The following XPR1 variants were observed in gnomAD, a reference collection of about 807,000 sequenced individuals.
XPR1 encodes solute carrier family 53 member 1.
XPR1 carries 28 observed loss-of-function variants against 87.5 expected under a neutral mutation model. That is an observed-to-expected ratio of 0.32 (90% CI 0.24 to 0.44). XPR1 has a LOEUF of 0.44. Ranked by LOEUF, XPR1 falls within the 20% of genes least tolerant of loss-of-function variation. The pLI is 1.00. For synonymous variants in XPR1, 300 were observed against 306.1 expected (o/e 0.98, Z 0.21); for missense variants, 559 against 862.3 (o/e 0.65, Z 4.41).
At chr1:180,865,605 T>G (rs1652364215) in intron 12 of XPR1, among the ~76,000 whole-genome samples, 1 of 152,158 alleles carries the variant, frequency 6.6e-6, no homozygotes, top group Non-Finnish European at 1.5e-5. Flanking sequence ...TTTCACCGTG[T>G]TAGCCAGGAT....
chr1:180,863,904 G>C, intron 12 of XPR1, 30 bp downstream of exon 12: 4 of 1,539,534 alleles, frequency 2.6e-6, no homozygotes, highest in Non-Finnish European at 2.6e-6. Context: ...TTGTTTAAAA[G>C]AACAAACTTA....
intron 7 of XPR1, among the ~76,000 whole-genome samples, chr1:180,816,647 G>A (rs1355669734): frequency 6.6e-6 from 1 of 152,154 alleles, no homozygotes; most frequent in South Asian, 2.1e-4. Flanking sequence ...CTGAAAAATT[G>A]CTGTTGCATA....
At chr1:180,694,531 A>G (rs1055268537) in intron 2 of XPR1, among the ~76,000 whole-genome samples, 1 of 152,174 alleles carries the variant, frequency 6.6e-6, no homozygotes, top group Non-Finnish European at 1.5e-5. Context: ...ATTCCAAGTT[A>G]TACCTCAAAT....
chr1:180,823,394 A>G (rs1650710770), intron 7 of XPR1, among the ~76,000 whole-genome samples: 1 of 152,192 alleles, frequency 6.6e-6, no homozygotes, highest in Admixed American at 6.5e-5. Flanking sequence ...TGAATTTATG[A>G]ACAGGTAAGG....
At chr1:180,797,226 A>G (rs573959602) in intron 3 of XPR1, among the ~76,000 whole-genome samples, 149 of 152,380 alleles carry the variant, frequency 9.8e-4, no homozygotes, top group African/African-American at 3.4e-3. Flanking sequence ...TAAAGATTTT[A>G]GAACTGTTAC....
intron 2 of XPR1, among the ~76,000 whole-genome samples, chr1:180,728,758 G>A (rs1658448007): frequency 6.6e-6 from 1 of 152,180 alleles, no homozygotes; most frequent in Admixed American, 6.5e-5. Context: ...AATACAAATG[G>A]CCTCATATCA....
intron 2 of XPR1, among the ~76,000 whole-genome samples, chr1:180,719,953 TC>T (rs1243685231): frequency 2.0e-5 from 3 of 152,208 alleles, no homozygotes; most frequent in African/African-American, 7.2e-5. Context: ...TAGGGCTCTG[TC>T]TAGTAGACCA....
At chr1:180,828,767 A>G (rs1490873919) in intron 9 of XPR1, among the ~76,000 whole-genome samples, 1 of 152,230 alleles carries the variant, frequency 6.6e-6, no homozygotes, top group African/African-American at 2.4e-5. Flanking sequence ...CAGTGAAGTG[A>G]TGAAGATGAG....
chr1:180,856,609 C>A (rs1318919426), intron 11 of XPR1, among the ~76,000 whole-genome samples: 1 of 152,194 alleles, frequency 6.6e-6, no homozygotes, highest in Non-Finnish European at 1.5e-5. Flanking sequence ...TGTTCTCTAA[C>A]CTAGTTTATG....
chr1:180,659,593 CCA>C lies in XPR1; in HGVS notation c.70-22765_70-22764del, dbSNP rs1327330797. 3.4e-4 allele frequency among the ~76,000 whole-genome samples: 43 copies of C among 126,938 alleles called. 1 individual carries two copies. The highest frequency in any genetic ancestry group is 1.2e-3 in the African/African-American group (40 of 32,460). The allele number at this position is 126,938 out of a possible 152,430, so 83.3% of individuals were successfully genotyped here. A position where few individuals can be genotyped will look rare whatever the true frequency, so the allele number is the denominator to read the frequency against. On this transcript the variant is annotated intron_variant, in intron 1 of 14. Coordinates refer to ENST00000367590, the MANE Select transcript of XPR1 (RefSeq NM_004736.4). ...ACCACACCCCCCAGCCACCGCACCCCCACCCCCCACCCCCCGCCGGGTTCAAG... is the reference window on the plus strand; with the variant it reads ...ACCACACCCCCCAGCCACCGCACCCCCCCCCCACCCCCCGCCGGGTTCAAG...
At chr1:180,779,074 T>A (rs1414030082) in intron 2 of XPR1, among the ~76,000 whole-genome samples, 5 of 152,196 alleles carry the variant, frequency 3.3e-5, no homozygotes, top group African/African-American at 1.2e-4. Flanking sequence ...GTTCCCTCTG[T>A]TGGGAATTAT....
At chr1:180,637,012 A>G (rs1278832305) in intron 1 of XPR1, among the ~76,000 whole-genome samples, 1 of 142,726 alleles carries the variant, frequency 7.0e-6, no homozygotes, top group Non-Finnish European at 1.5e-5. Context: ...AGATTGTGCC[A>G]CTGCACTCCA....
Position 180,823,938 on chromosome 1 carries a change from G to A in XPR1, c.764-815G>A, listed in dbSNP as rs146196809. On this transcript the variant is annotated intron_variant, in intron 7 of 14. Transcript: ENST00000367590. ...GTGCTTAGCACATAGTAAGCATTCC[G>A]TAAATATTAACTGTTGTCATTTATA... is the stretch of plus-strand genomic sequence containing the variant. 2.9e-3 allele frequency among the ~76,000 whole-genome samples: 435 copies of A among 152,262 alleles called. 2 individuals carry two copies. The highest frequency in any genetic ancestry group is 9.5e-3 in the African/African-American group (393 of 41,544).
intron 2 of XPR1, among the ~76,000 whole-genome samples, chr1:180,715,091 T>G (rs1336197126): frequency 1.3e-5 from 2 of 152,144 alleles, no homozygotes; most frequent in Non-Finnish European, 2.9e-5. Context: ...GCAGTATTGG[T>G]TAAATGTAGG....
intron 1 of XPR1, among the ~76,000 whole-genome samples, chr1:180,672,601 CATTT>C (rs1170466126): frequency 6.6e-6 from 1 of 152,020 alleles, no homozygotes; most frequent in Non-Finnish European, 1.5e-5. Context: ...ATTAGGAAAA[CATTT>C]ATAATTTTTA....
intron 2 of XPR1, among the ~76,000 whole-genome samples, chr1:180,764,559 TC>T (rs1487741541): frequency 6.6e-6 from 1 of 152,044 alleles, no homozygotes; most frequent in Non-Finnish European, 1.5e-5. Flanking sequence ...AGCCTCGACT[TC>T]CTGAGCTCAA....
At chr1:180,711,014 C>G (rs1174218950) in intron 2 of XPR1, among the ~76,000 whole-genome samples, 1 of 114,358 alleles carries the variant, frequency 8.7e-6, no homozygotes, top group Non-Finnish European at 1.9e-5. Flanking sequence ...ACTTCTCAGA[C>G]GGGTGGCTGC....
intron 11 of XPR1, among the ~76,000 whole-genome samples, chr1:180,849,592 G>A (rs1002846403): frequency 1.3e-5 from 2 of 152,196 alleles, no homozygotes; most frequent in Non-Finnish European, 2.9e-5. Context: ...ATGTGGTGTT[G>A]AGCAAATATA....
chr1:180,709,033 TC>T (rs1657662584), intron 2 of XPR1, among the ~76,000 whole-genome samples: 1 of 150,470 alleles, frequency 6.6e-6, no homozygotes, highest in African/African-American at 2.4e-5. Context: ...TGCCTCAGCC[TC>T]CTGAGTAGCT....
Sources: gnomAD v4.1 joint callset for allele counts (sites outside exome capture counted in the v4.1 genomes callset) on GRCh38, gnomAD v4.1.1 for gene constraint, MANE v1.5 for transcripts, NCBI Gene and HGNC (gene_info 2026-07-23, HGNC 2026-07-21) for gene names.